Variants in SEC23B observed in about 807,000 individuals in gnomAD.
SEC23B encodes the protein protein transport protein Sec23B.
A neutral mutation model predicts 104.3 loss-of-function variants in SEC23B; 77 were observed. That is an observed-to-expected ratio of 0.74 (90% CI 0.61 to 0.89). The LOEUF (loss-of-function observed/expected upper bound fraction) is 0.89. Among genes scored for constraint, SEC23B ranks in the 40% least tolerant of loss-of-function variants. The pLI is 0.00. For synonymous variants in SEC23B, 338 were observed against 332.5 expected (o/e 1.02, Z -0.18); for missense variants, 885 against 949.4 (o/e 0.93, Z 0.89).
intron 19 of SEC23B, among the ~76,000 whole-genome samples, chr20:18,560,274 C>T (rs1404854837): frequency 6.6e-6 from 1 of 152,056 alleles, no homozygotes; most frequent in Non-Finnish European, 1.5e-5. Context: ...TGTGGGTACA[C>T]CATTATCCAG....
At chr20:18,508,716 C>CTTTTTTTTTTTTTTTT (rs398035473) in intron 1 of SEC23B, among the ~76,000 whole-genome samples, 1 of 97,482 alleles carries the variant, frequency 1.0e-5, no homozygotes, top group African/African-American at 4.1e-5. Context: ...GCAGTAGCTT[C>CTTTTTTTTTTTTTTTT]TTTTTTTTTT....
intron 4 of SEC23B, among the ~76,000 whole-genome samples, chr20:18,523,955 A>G (rs1038124829): frequency 1.3e-4 from 20 of 152,078 alleles, no homozygotes; most frequent in African/African-American, 4.1e-4. Context: ...TGCTTAAGCA[A>G]TCCTCCCATC....
In SEC23B at chr20:18,515,900, C is replaced by T. The variant is rs532783095; in HGVS notation, c.366+164C>T. On this transcript the variant is annotated intron_variant, in intron 4 of 19. Transcript: ENST00000650089. Reference sequence around the variant, plus strand: ...TGTGTGCATCTACTGGCATTGTTTTCAAGTCCTGACATTATAGAAGGCTAC... The same window carrying T: ...TGTGTGCATCTACTGGCATTGTTTTTAAGTCCTGACATTATAGAAGGCTAC... 4.3e-5 allele frequency: 28 copies of T among 654,550 alleles called. No homozygotes were observed. The African/African-American group carries it at 4.3e-4, about 10-fold the overall frequency. 40.5% of individuals were successfully genotyped at this position (654,550 alleles called of 1,614,324 possible). A position where few individuals can be genotyped will look rare whatever the true frequency, so the allele number is the denominator to read the frequency against.
chr20:18,514,916 C>A (rs1213265173), intron 3 of SEC23B, among the ~76,000 whole-genome samples: 1 of 152,084 alleles, frequency 6.6e-6, no homozygotes, highest in Non-Finnish European at 1.5e-5. Flanking sequence ...AAATAATAAA[C>A]CTAAATAAAG....
chr20:18,547,867 C>A (rs1360386282), intron 15 of SEC23B, among the ~76,000 whole-genome samples: 1 of 152,176 alleles, frequency 6.6e-6, no homozygotes, highest in Non-Finnish European at 1.5e-5. Flanking sequence ...ATAAACATTT[C>A]TTTGGCTTTC....
At chr20:18,548,519 T>C in intron 15 of SEC23B, 90 bp from the exon 16 acceptor site, 1 of 1,325,348 alleles carries the variant, frequency 7.5e-7, no homozygotes, top group Non-Finnish European at 1.1e-6. Context: ...TGGGTTCTCC[T>C]ATTTCAGAGC....
intron 11 of SEC23B, among the ~76,000 whole-genome samples, chr20:18,534,051 C>A (rs1028389176): frequency 1.3e-5 from 2 of 152,180 alleles, no homozygotes; most frequent in Non-Finnish European, 2.9e-5. Flanking sequence ...TCTATACCTA[C>A]CATTTAGTCA....
At chr20:18,531,520 G>C (rs896347722) in intron 10 of SEC23B, among the ~76,000 whole-genome samples, 2 of 152,028 alleles carry the variant, frequency 1.3e-5, no homozygotes, top group African/African-American at 4.8e-5. Flanking sequence ...GCCGGGCGTG[G>C]TGGCACATGC....
chr20:18,530,932 T>C (rs890711981), intron 10 of SEC23B, 129 bp downstream of exon 10: 1 of 691,132 alleles, frequency 1.4e-6, no homozygotes, highest in Non-Finnish European at 2.5e-6. Context: ...CATGAGCCAC[T>C]GTACCTGGCC....
upstream of SEC23B, chr20:18,507,738 C>CT (rs1285724145): frequency 6.6e-6 from 1 of 152,294 alleles, no homozygotes; most frequent in African/African-American, 2.4e-5. Flanking sequence ...CCGAGGAACT[C>CT]TCGTTTTGAA....
chr20:18,540,795 G>T (rs2060280762), intron 12 of SEC23B, among the ~76,000 whole-genome samples: 1 of 152,198 alleles, frequency 6.6e-6, no homozygotes, highest in Non-Finnish European at 1.5e-5. Context: ...AGCCGAGGTT[G>T]CAGTGAGCTG....
chr20:18,519,090 G>A (rs2060060007), intron 4 of SEC23B, among the ~76,000 whole-genome samples: 1 of 152,204 alleles, frequency 6.6e-6, no homozygotes, highest in African/African-American at 2.4e-5. Context: ...CTATGGCATA[G>A]CCTGCCTTTG....
At position 18,526,544 on chromosome 20, in the gene SEC23B, G is replaced by C. The variant is rs574011431; in HGVS notation, c.993+13G>C. The C allele has an allele frequency of 6.2e-7, 1 of 1,613,994 alleles. No individual in the cohort carries two copies. Among genetic ancestry groups the C allele is most frequent in the African/African-American group, 1.3e-5 (1 of 75,048 alleles). ...AAAGGCAACCAAGGTAGGTGCTCTT[G>C]GGTATGGGCTGTAATTCTGAAAGCC... On this transcript the variant is annotated intron_variant, in intron 8 of 19. Transcript: ENST00000650089.
chr20:18,555,752 A>C (rs544519212), intron 19 of SEC23B, among the ~76,000 whole-genome samples: 16 of 152,104 alleles, frequency 1.1e-4, no homozygotes, highest in African/African-American at 3.6e-4. Context: ...TCTTTTACCC[A>C]TTTTCCCTTA....
Position 18,525,806 on chromosome 20 carries a change from C to T in SEC23B, c.708C>T (p.His236=), listed in dbSNP as rs748683327. ...CTTGCAGATTTCTGCAGCCTGTTCA[C>T]AAGATTGATATGAACCTCACTGATC... is the stretch of plus-strand genomic sequence containing the variant. ...FASSRFLQPV[H]KIDMNLTDLL... Residue 236 remains histidine (H), a synonymous_variant, in exon 7 of 20, where the codon CAC becomes CAT. Transcript: ENST00000650089. 18 of 1,614,036 alleles carry T rather than the reference C, an allele frequency of 1.1e-5. No individual in the cohort carries two copies. Among genetic ancestry groups the T allele is most frequent in the Non-Finnish European group, 1.4e-5 (16 of 1,180,038 alleles).
At chr20:18,518,331 A>C (rs2060049242) in intron 4 of SEC23B, among the ~76,000 whole-genome samples, 1 of 152,192 alleles carries the variant, frequency 6.6e-6, no homozygotes, top group Non-Finnish European at 1.5e-5. Context: ...CATGTGAGTA[A>C]AGTCAATTTG....
At chr20:18,516,358 T>C (rs1363527653) in intron 4 of SEC23B, among the ~76,000 whole-genome samples, 1 of 152,018 alleles carries the variant, frequency 6.6e-6, no homozygotes, top group African/African-American at 2.4e-5. Context: ...AATATAGCTG[T>C]TCAAATAACT....
At chr20:18,556,533 C>T (rs1469361452) in intron 19 of SEC23B, among the ~76,000 whole-genome samples, 3 of 152,164 alleles carry the variant, frequency 2.0e-5, no homozygotes. Flanking sequence ...ATCATGTCAT[C>T]TGCAAGCCGG....
intron 19 of SEC23B, among the ~76,000 whole-genome samples, chr20:18,557,633 A>G (rs1568627441): frequency 1.3e-5 from 2 of 152,180 alleles, no homozygotes; most frequent in Admixed American, 1.3e-4. Context: ...AGCATCAAAC[A>G]TAATTGATAA....
Sources: gnomAD v4.1 joint callset for allele counts (sites outside exome capture counted in the v4.1 genomes callset) on GRCh38, gnomAD v4.1.1 for gene constraint, MANE v1.5 for transcripts, NCBI Gene and HGNC (gene_info 2026-07-23, HGNC 2026-07-21) for gene names.